Variants in ADCY2 observed in about 807,000 individuals in gnomAD.
ADCY2 encodes adenylate cyclase 2, also known as adenylate cyclase type 2.
Under a neutral mutation model 125.2 loss-of-function variants are expected in ADCY2, and 31 were observed. The ratio of observed to expected loss-of-function variants is 0.25; its 90% CI spans 0.19 to 0.33. ADCY2 has a LOEUF of 0.33. Among genes scored for constraint, ADCY2 ranks in the 10% least tolerant of loss-of-function variants. The pLI is 1.00. For synonymous variants in ADCY2, 512 were observed against 548.4 expected, an observed-to-expected ratio of 0.93 and a Z score of 0.93; for missense variants, 904 against 1,418.2, an observed-to-expected ratio of 0.64 and a Z score of 5.82.
At chr5:7,630,104 T>C (rs1365335954) in intron 4 of ADCY2, among the ~76,000 whole-genome samples, 1 of 152,206 alleles carries the variant, frequency 6.6e-6, no homozygotes, top group Non-Finnish European at 1.5e-5. Context: ...GACCCCATGC[T>C]ATACCTGGAT....
At chr5:7,593,776 G>T (rs956542849) in intron 3 of ADCY2, among the ~76,000 whole-genome samples, 2 of 152,058 alleles carry the variant, frequency 1.3e-5, no homozygotes, top group Non-Finnish European at 2.9e-5. Flanking sequence ...CATTCTAATT[G>T]GGGGAAGATG....
chr5:7,397,452 T>G (rs1033882616), intron 1 of ADCY2, among the ~76,000 whole-genome samples: 1 of 143,278 alleles, frequency 7.0e-6, no homozygotes, highest in Non-Finnish European at 1.5e-5. Context: ...TGAGTTTTTT[T>G]TTTTTTTTTT....
At chr5:7,775,518 G>A (rs868364442) in intron 18 of ADCY2, among the ~76,000 whole-genome samples, 6 of 151,900 alleles carry the variant, frequency 3.9e-5, no homozygotes, top group Non-Finnish European at 5.9e-5. Context: ...AGCCTCCTGA[G>A]TAGCTAGGAT....
chr5:7,666,048 C>T (rs1739708853), intron 4 of ADCY2, among the ~76,000 whole-genome samples: 1 of 151,116 alleles, frequency 6.6e-6, no homozygotes, highest in Admixed American at 6.6e-5. Flanking sequence ...CCATGTTAGC[C>T]AGGATGGTCT....
chr5:7,506,581 G>C (rs964024425), intron 2 of ADCY2, among the ~76,000 whole-genome samples: 3 of 152,158 alleles, frequency 2.0e-5, no homozygotes, highest in African/African-American at 7.2e-5. Flanking sequence ...GGAATCGTCA[G>C]TGTATTCCTA....
At chr5:7,633,977 A>G (rs1005156105) in intron 4 of ADCY2, among the ~76,000 whole-genome samples, 1 of 152,248 alleles carries the variant, frequency 6.6e-6, no homozygotes, top group Non-Finnish European at 1.5e-5. Context: ...ATAAAAAGCA[A>G]TTCTAAAATG....
At chr5:7,537,942 C>T (rs1336257108) in intron 3 of ADCY2, among the ~76,000 whole-genome samples, 1 of 152,136 alleles carries the variant, frequency 6.6e-6, no homozygotes, top group African/African-American at 2.4e-5. Flanking sequence ...GTCACCTGGC[C>T]AGTGCCTAGG....
At chr5:7,507,428 G>A (rs1335674649) in intron 2 of ADCY2, among the ~76,000 whole-genome samples, 2 of 91,096 alleles carry the variant, frequency 2.2e-5, no homozygotes, top group Non-Finnish European at 4.5e-5. Context: ...GCGACAGAGC[G>A]AGACTCCGTC....
chr5:7,488,705 A>G (rs1561053152), intron 2 of ADCY2, among the ~76,000 whole-genome samples: 1 of 152,148 alleles, frequency 6.6e-6, no homozygotes, highest in Non-Finnish European at 1.5e-5. Context: ...AAAGGGCCTG[A>G]CCACCAATGG....
chr5:7,661,631 A>G lies in ADCY2; in HGVS notation c.721-29060A>G, dbSNP rs1402455629. On this transcript the variant is annotated intron_variant, in intron 4 of 24. Transcript: ENST00000338316. ...TGTAATACTCAGTGACCTGGCTTCC[A>G]AATCACGATATTCACTTCTCAATCC... is the stretch of plus-strand genomic sequence containing the variant. Among the ~76,000 whole-genome samples, 6 of 152,216 alleles carry G rather than the reference A, an allele frequency of 3.9e-5. No individual in the cohort carries two copies. In the South Asian group the frequency reaches 1.0e-3, roughly 26 times the overall value.
chr5:7,448,221 C>T (rs569824267), intron 2 of ADCY2, among the ~76,000 whole-genome samples: 63 of 152,286 alleles, frequency 4.1e-4, no homozygotes, highest in African/African-American at 1.3e-3. Context: ...ATATGAAGAG[C>T]TAAGTACCCT....
chr5:7,614,275 G>C (rs16878820), intron 3 of ADCY2, among the ~76,000 whole-genome samples: 2 of 152,064 alleles, frequency 1.3e-5, no homozygotes, highest in African/African-American at 2.4e-5. Context: ...GCCCTCCTAC[G>C]ACTAAGAACC....
chr5:7,399,832 C>T (rs1017274628), intron 1 of ADCY2, among the ~76,000 whole-genome samples: 3 of 152,162 alleles, frequency 2.0e-5, no homozygotes, highest in South Asian at 4.1e-4. Context: ...GCATGGGGAA[C>T]AAAATAAAAT....
chr5:7,452,412 A>C (rs1030970326), intron 2 of ADCY2, among the ~76,000 whole-genome samples: 1 of 152,184 alleles, frequency 6.6e-6, no homozygotes, highest in African/African-American at 2.4e-5. Context: ...GTTTTATACA[A>C]GTTGCTTCAA....
At chr5:7,550,350 C>G (rs1735287035) in intron 3 of ADCY2, among the ~76,000 whole-genome samples, 1 of 152,112 alleles carries the variant, frequency 6.6e-6, no homozygotes, top group Non-Finnish European at 1.5e-5. Context: ...TCCCTGTCCC[C>G]AGAAGTATCA....
rs559626514 is a variant in ADCY2 at position 7,815,557 on chromosome 5, T to C, written c.2884-1309T>C. Among the ~76,000 whole-genome samples the C allele has an allele frequency of 6.3e-4, 96 of 152,294 alleles. No individual in the cohort carries two copies. In the South Asian group the frequency reaches 7.9e-3, roughly 12 times the overall value. ...ATGAATTCTACGCATATACTAATAATGTAACAAAAAATAGAAACTTTTAAA... is the reference window on the plus strand; with the variant it reads ...ATGAATTCTACGCATATACTAATAACGTAACAAAAAATAGAAACTTTTAAA... On this transcript the variant is annotated intron_variant, in intron 22 of 24. Coordinates refer to ENST00000338316, the MANE Select transcript of ADCY2 (RefSeq NM_020546.3).
chr5:7,814,980 T>C (rs1019944420), intron 22 of ADCY2, among the ~76,000 whole-genome samples: 1 of 152,152 alleles, frequency 6.6e-6, no homozygotes, highest in Non-Finnish European at 1.5e-5. Context: ...CCAGGGCATA[T>C]TGCCAGCTCA....
intron 2 of ADCY2, among the ~76,000 whole-genome samples, chr5:7,468,302 A>C (rs1742201934): frequency 6.6e-6 from 1 of 152,192 alleles, no homozygotes; most frequent in Non-Finnish European, 1.5e-5. Flanking sequence ...GTGTAAATAT[A>C]TGAATGAAGG....
chr5:7,518,347 G>C (rs1208314211), intron 2 of ADCY2, among the ~76,000 whole-genome samples: 1 of 151,100 alleles, frequency 6.6e-6, no homozygotes, highest in Non-Finnish European at 1.5e-5. Context: ...GCTTACTACA[G>C]GTCCCTCCAA....
Sources: gnomAD v4.1 joint callset for allele counts (sites outside exome capture counted in the v4.1 genomes callset) on GRCh38, gnomAD v4.1.1 for gene constraint, MANE v1.5 for transcripts, NCBI Gene and HGNC (gene_info 2026-07-23, HGNC 2026-07-21) for gene names.